Variants in TBC1D2 observed in about 807,000 individuals in gnomAD.
TBC1D2 encodes TBC1 domain family member 2, also known as TBC1 domain family member 2A.
Under a neutral mutation model 91.1 loss-of-function variants are expected in TBC1D2, and 58 were observed. The observed-to-expected ratio is 0.64, with a 90% CI of 0.52 to 0.79. The LOEUF is 0.79. Among genes scored for constraint, TBC1D2 ranks in the 30% least tolerant of loss-of-function variants. The pLI is 0.00. For missense variants in TBC1D2, 1,080 were observed against 1,208.3 expected (o/e 0.89, Z 1.57); for synonymous variants, 482 against 511.5 (o/e 0.94, Z 0.78).
intron 4 of TBC1D2, among the ~76,000 whole-genome samples, chr9:98,231,705 C>T (rs550661812): frequency 2.0e-5 from 3 of 152,252 alleles, no homozygotes; most frequent in Middle Eastern, 3.4e-3. Flanking sequence ...ACTCTGTGGC[C>T]GTGAGCAAGT....
chr9:98,225,341 T>G (rs529873932), intron 5 of TBC1D2, among the ~76,000 whole-genome samples: 2 of 152,306 alleles, frequency 1.3e-5, no homozygotes, highest in South Asian at 2.1e-4. Flanking sequence ...GCTGCAGGTA[T>G]GGGGACAGAT....
intron 9 of TBC1D2, among the ~76,000 whole-genome samples, chr9:98,206,307 T>C (rs968933689): frequency 2.0e-5 from 3 of 152,238 alleles, no homozygotes; most frequent in African/African-American, 7.2e-5. Flanking sequence ...TGAATACCAA[T>C]TATCTGCATT....
At chr9:98,241,150 A>T (rs1490036528) in intron 3 of TBC1D2, among the ~76,000 whole-genome samples, 1 of 152,164 alleles carries the variant, frequency 6.6e-6, no homozygotes, top group East Asian at 1.9e-4. Flanking sequence ...AATGAAGTAA[A>T]TACTATTCTC....
Position 98,255,198 on chromosome 9 carries a change from G to A in TBC1D2, c.344C>T (p.Thr115Ile), listed in dbSNP as rs751593155. 2 of 1,609,988 alleles carry A rather than the reference G, an allele frequency of 1.2e-6. No homozygotes were observed. The highest frequency in any genetic ancestry group is 1.7e-6 in the Non-Finnish European group (2 of 1,176,972). The stretch of plus-strand genomic sequence containing the variant: ...CTTCAGGGTAATAACCCGGCTGGGA[G>A]TCTTGATTTCGAAGATCCCCTCCTC... The part of the protein sequence containing the change: ...DAEEGIFEIK[T>I]PSRVITLKAA... The change falls in exon 1 of 13, where the codon ACT becomes ATT. Residue 115 changes from threonine to isoleucine, a missense_variant. Coordinates refer to ENST00000465784, the MANE Select transcript of TBC1D2 (RefSeq NM_001267571.2).
intron 4 of TBC1D2, 32 bp downstream of exon 4, chr9:98,233,384 T>C (rs751992505): frequency 4.4e-6 from 7 of 1,594,392 alleles, no homozygotes; most frequent in Non-Finnish European, 4.3e-6. Flanking sequence ...AGCTGGTCCC[T>C]GAAGGCAGCT....
rs1828562920 is a variant in TBC1D2, at chr9:98,203,381, T to C, written c.2178A>G (p.Leu726=). Residue 726 remains leucine, a synonymous_variant, in exon 10 of 13, where the codon CTA becomes CTG. Coordinates refer to ENST00000465784, the MANE Select transcript of TBC1D2 (RefSeq NM_001267571.2). ...NRLAAIALLV[L]EEEESAFWCL... ...ACCAGAAGGCGCTCTCCTCCTCCTC[T>C]AGGACCAGCAGGGCAATGGCCGCCA... 2 of 1,614,024 alleles carry C rather than the reference T, an allele frequency of 1.2e-6. No individual in the cohort carries two copies. Among genetic ancestry groups the C allele is most frequent in the Admixed American group, 1.7e-5 (1 of 60,008 alleles).
intron 5 of TBC1D2, among the ~76,000 whole-genome samples, chr9:98,223,137 A>T (rs1400258280): frequency 2.0e-5 from 3 of 152,228 alleles, no homozygotes; most frequent in Non-Finnish European, 1.5e-5. Flanking sequence ...AGTCAGGGGA[A>T]CAAGGGTGTT....
Position 98,233,521 on chromosome 9 carries a change from T to C in TBC1D2, c.676A>G (p.Lys226Glu), listed in dbSNP as rs1308738740. The C allele has an allele frequency of 6.2e-7, 1 of 1,614,174 alleles. No individual in the cohort carries two copies. Among genetic ancestry groups the C allele is most frequent in the Non-Finnish European group, 8.5e-7 (1 of 1,180,012 alleles). ...TCATGGCCTGTTCCCTGGGCCTGCT[T>C]GTTGCCACGGATGTTGTGCATTGTG... ...QNTMHNIRGN[K>E]QAQGTGHEPP... is the part of the protein sequence containing the mutation. Residue 226 changes from lysine (K) to glutamate (E), a missense_variant, in exon 4 of 13, where the codon AAG becomes GAG. Physicochemically the swap from Lys to Glu is moderately conservative, Grantham distance 56. Transcript: ENST00000465784.
chr9:98,234,475 C>CT (rs1829452720), intron 3 of TBC1D2, among the ~76,000 whole-genome samples: 1 of 152,154 alleles, frequency 6.6e-6, no homozygotes, highest in Admixed American at 6.5e-5. Context: ...CAGTGTATTT[C>CT]GAACTGAAAG....
intron 7 of TBC1D2, among the ~76,000 whole-genome samples, chr9:98,212,823 G>A (rs1184598388): frequency 6.6e-6 from 1 of 152,118 alleles, no homozygotes; most frequent in Non-Finnish European, 1.5e-5. Context: ...TCTTGATTGG[G>A]TTACACTCCC....
At chr9:98,236,327 G>A (rs947800055) in intron 3 of TBC1D2, among the ~76,000 whole-genome samples, 15 of 151,970 alleles carry the variant, frequency 9.9e-5, no homozygotes, top group African/African-American at 3.4e-4. Flanking sequence ...AGGCTCAAGC[G>A]ATTCTCCTGC....
In TBC1D2 at chr9:98,244,946, T is replaced by TA. The variant is rs1239625207; in HGVS notation, c.512-818dup. Among the ~76,000 whole-genome samples, 115 of 151,042 alleles carry TA rather than the reference T, an allele frequency of 7.6e-4. 2 individuals are homozygous for TA. Among genetic ancestry groups the TA allele is most frequent in the Non-Finnish European group, 2.1e-4 (14 of 67,708 alleles). On this transcript the variant is annotated intron_variant, in intron 2 of 12. Coordinates refer to ENST00000465784, the MANE Select transcript of TBC1D2 (RefSeq NM_001267571.2). ...TAATATTAAGTGGAAAAAGCCAGATTAAAAAAAAATTGGGCCGGGCGCAGT... is the reference window on the plus strand; with the variant it reads ...TAATATTAAGTGGAAAAAGCCAGATTAAAAAAAAAATTGGGCCGGGCGCAGT...
Position 98,233,690 on chromosome 9 carries a change from T to A in TBC1D2, c.648-141A>T, listed in dbSNP as rs998938577. The stretch of plus-strand genomic sequence containing the variant: ...CTGGTCTCCCAGACTCCAGGCACCC[T>A]ACATGATGCCTCCCCATGCATGGCA... On this transcript the variant is annotated intron_variant, in intron 3 of 12. Coordinates refer to ENST00000465784, the MANE Select transcript of TBC1D2 (RefSeq NM_001267571.2). The A allele has an allele frequency of 9.4e-6, 12 of 1,276,262 alleles. No individual in the cohort carries two copies. The African/African-American group carries it at 1.8e-4, about 19-fold the overall frequency. 79.1% of individuals were successfully genotyped at this position (1,276,262 alleles called of 1,614,324 possible).
chr9:98,226,540 T>G (rs1829237581), intron 5 of TBC1D2, among the ~76,000 whole-genome samples: 1 of 152,150 alleles, frequency 6.6e-6, no homozygotes, highest in African/African-American at 2.4e-5. Context: ...GTTAAGAAAC[T>G]TGCTTAGGGC....
In TBC1D2 at chr9:98,210,760, G is replaced by C. The variant is rs148036923; in HGVS notation, c.1569C>G (p.Asp523Glu). 3.2e-5 allele frequency: 50 copies of C among 1,566,758 alleles called. 1 individual carries two copies. In the Middle Eastern group the frequency reaches 6.6e-4, roughly 21 times the overall value. ...GLRRLQEALG[D>E]EASECSELLR... The stretch of plus-strand genomic sequence containing the variant: ...GCAGCTCTGAGCACTCGCTGGCTTC[G>C]TCCCCCAGGGCCTCCTGCAGCCTTC... The change falls in exon 8 of 13, where the codon GAC becomes GAG. Residue 523 changes from aspartate to glutamate, a missense_variant. By Grantham distance (45) the Asp-to-Glu change is conservative. Transcript: ENST00000465784.
intron 5 of TBC1D2, among the ~76,000 whole-genome samples, chr9:98,222,368 G>T (rs1000079747): frequency 6.6e-6 from 1 of 152,182 alleles, no homozygotes; most frequent in Non-Finnish European, 1.5e-5. Context: ...CAATCCCCAT[G>T]TAAAGCCACA....
At chr9:98,227,755 C>A (rs1411992232) in intron 5 of TBC1D2, among the ~76,000 whole-genome samples, 1 of 149,834 alleles carries the variant, frequency 6.7e-6, no homozygotes, top group Non-Finnish European at 1.5e-5. Context: ...GCACTCCAGC[C>A]TGGGTGACAG....
chr9:98,232,995 T>A (rs1588053548), intron 4 of TBC1D2, among the ~76,000 whole-genome samples: 1 of 152,306 alleles, frequency 6.6e-6, no homozygotes, highest in Non-Finnish European at 1.5e-5. Flanking sequence ...CTTTTGTATT[T>A]TTAGTAGCGT....
chr9:98,224,178 C>CA (rs1829169366), intron 5 of TBC1D2, among the ~76,000 whole-genome samples: 1 of 133,796 alleles, frequency 7.5e-6, no homozygotes, highest in African/African-American at 2.8e-5. Flanking sequence ...GCCTGGGCGA[C>CA]AGAGCGAGAC....
Sources: allele counts gnomAD v4.1 joint callset (sites outside exome capture counted in the v4.1 genomes callset), GRCh38; gene constraint gnomAD v4.1.1; transcripts MANE v1.5; gene names NCBI Gene and HGNC (gene_info 2026-07-23, HGNC 2026-07-21).